The following NR5A2 variants were observed in gnomAD, a reference collection of about 807,000 sequenced individuals.
NR5A2 encodes CYP7A promoter-binding factor.
In NR5A2, 26 loss-of-function variants were observed where a neutral mutation model predicts 62.7. The observed-to-expected ratio is 0.41, with a 90% CI of 0.30 to 0.58. The LOEUF (loss-of-function observed/expected upper bound fraction) is 0.58, where lower values mean the gene tolerates loss of function less well. Among genes scored for constraint, NR5A2 ranks in the 20% least tolerant of loss-of-function variants. The pLI is 0.22. For missense variants in NR5A2, 541 were observed against 669.1 expected, an observed-to-expected ratio of 0.81 and a Z score of 2.11; for synonymous variants, 246 against 241.7, an observed-to-expected ratio of 1.02 and a Z score of -0.16.
intron 7 of NR5A2, among the ~76,000 whole-genome samples, chr1:200,154,622 G>T (rs1419991918): frequency 6.6e-6 from 1 of 152,204 alleles, no homozygotes; most frequent in Admixed American, 6.5e-5. Flanking sequence ...CAGAGGCTGA[G>T]GCAGGAGGAA....
chr1:200,077,649 G>T (rs552202133), intron 5 of NR5A2, among the ~76,000 whole-genome samples: 1 of 152,340 alleles, frequency 6.6e-6, no homozygotes, highest in South Asian at 2.1e-4. Flanking sequence ...GGGAGGCGGA[G>T]GTTGCAGTGA....
chr1:200,105,433 G>T (rs1665602616), intron 5 of NR5A2, among the ~76,000 whole-genome samples: 1 of 152,150 alleles, frequency 6.6e-6, no homozygotes, highest in African/African-American at 2.4e-5. Context: ...CGTTTTCCTT[G>T]TGCATATGGC....
intron 7 of NR5A2, among the ~76,000 whole-genome samples, chr1:200,131,231 G>T (rs555162711): frequency 1.4e-5 from 2 of 145,072 alleles, no homozygotes; most frequent in South Asian, 2.1e-4. Context: ...AATAGGTGTT[G>T]TGGATTTTTT....
intron 5 of NR5A2, among the ~76,000 whole-genome samples, chr1:200,103,470 C>T (rs2102277777): frequency 6.6e-6 from 1 of 151,880 alleles, no homozygotes; most frequent in East Asian, 1.9e-4. Flanking sequence ...TAAGGGTTTC[C>T]CAATAGTGGT....
intron 7 of NR5A2, among the ~76,000 whole-genome samples, chr1:200,173,147 G>A (rs527743965): frequency 6.6e-6 from 1 of 151,736 alleles, no homozygotes; most frequent in Admixed American, 6.6e-5. Context: ...GGACCTTTAG[G>A]GCAGATGTCT....
intron 5 of NR5A2, among the ~76,000 whole-genome samples, chr1:200,107,955 G>T (rs1013299151): frequency 7.9e-5 from 12 of 151,982 alleles, no homozygotes; most frequent in African/African-American, 2.9e-4. Context: ...TACAATTTTA[G>T]TATGGCTTAA....
Position 200,143,728 on chromosome 1 carries a change from G to A in NR5A2, c.1378+22773G>A, listed in dbSNP as rs576044969. Among the ~76,000 whole-genome samples the A allele has an allele frequency of 7.0e-5, 10 of 143,604 alleles. No individual in the cohort carries two copies. In the South Asian group the frequency reaches 1.6e-3, roughly 22 times the overall value. The allele number at this position is 143,604 out of a possible 152,430, so 94.2% of individuals were successfully genotyped here. On this transcript the variant is annotated intron_variant, in intron 7 of 7. Coordinates refer to ENST00000367362, the MANE Select transcript of NR5A2 (RefSeq NM_205860.3). ...TGCGATCTCGGCTCCTGCAACCTCC[G>A]CCTCCCGAGTTCAAGCGATTCTCCT...
At chr1:200,151,295 GCAGGAAC>G (rs1653101670) in intron 7 of NR5A2, among the ~76,000 whole-genome samples, 1 of 152,192 alleles carries the variant, frequency 6.6e-6, no homozygotes. Flanking sequence ...TTTCAAGTTA[GCAGGAAC>G]CATCTATCAA....
chr1:200,104,515 C>T (rs1665549367), intron 5 of NR5A2, among the ~76,000 whole-genome samples: 1 of 151,924 alleles, frequency 6.6e-6, no homozygotes, highest in South Asian at 2.1e-4. Flanking sequence ...GAACAAACTT[C>T]TATAAATGTC....
Position 200,045,544 on chromosome 1 carries a change from T to C in NR5A2, c.423T>C (p.Cys141=). Residue 141 remains cysteine (C), a synonymous_variant, in exon 4 of 8, where the codon TGT becomes TGC. Coordinates refer to ENST00000367362, the MANE Select transcript of NR5A2 (RefSeq NM_205860.3). ...DKTQRKRCPY[C]RFQKCLSVGM... Reference sequence around the variant, plus strand: ...CACAGAGAAAGCGTTGTCCTTACTGTCGTTTTCAAAAATGTCTAAGTGTTG... The same window carrying C: ...CACAGAGAAAGCGTTGTCCTTACTGCCGTTTTCAAAAATGTCTAAGTGTTG... The C allele has an allele frequency of 6.2e-7, 1 of 1,613,122 alleles. No individual in the cohort carries two copies. The highest frequency in any genetic ancestry group is 8.5e-7 in the Non-Finnish European group (1 of 1,179,456).
Position 200,147,073 on chromosome 1 carries a change from C to T in NR5A2, c.1378+26118C>T, listed in dbSNP as rs959644800. Among the ~76,000 whole-genome samples the T allele has an allele frequency of 2.0e-5, 3 of 150,618 alleles. No individual in the cohort carries two copies. The highest frequency in any genetic ancestry group is 7.3e-5 in the African/African-American group (3 of 40,884). On this transcript the variant is annotated intron_variant, in intron 7 of 7. Transcript: ENST00000367362. The surrounding 1 kb of genome is among the most constrained non-coding windows in gnomAD (Gnocchi z 4.9). ...TTAACTGGGTGGCAGCAAAGGGCAC[C>T]AAAAGAAAAGATAAATTGCCCAAAA...
intron 5 of NR5A2, among the ~76,000 whole-genome samples, chr1:200,065,648 T>C (rs1000639617): frequency 2.0e-5 from 3 of 152,214 alleles, no homozygotes; most frequent in African/African-American, 7.2e-5. Context: ...TCCATTCATA[T>C]ATTTATTAAT....
chr1:200,177,206 T>C lies in NR5A2; in HGVS notation c.*2996T>C, dbSNP rs535203133. The stretch of plus-strand genomic sequence containing the variant: ...TCTATGTTTGTAAACAGACAATCTC[T>C]AATGTCTGATTATTTGTATCACAGA... On this transcript the variant is annotated 3_prime_UTR_variant, in exon 8 of 8. Coordinates refer to ENST00000367362, the MANE Select transcript of NR5A2 (RefSeq NM_205860.3). The C allele has an allele frequency of 3.9e-5, 6 of 152,798 alleles. No homozygotes were observed. The highest frequency in any genetic ancestry group is 7.3e-5 in the Non-Finnish European group (5 of 68,042). 9.5% of individuals were successfully genotyped at this position (152,798 alleles called of 1,614,324 possible).
chr1:200,159,434 G>T (rs1653533873), intron 7 of NR5A2, among the ~76,000 whole-genome samples: 1 of 152,100 alleles, frequency 6.6e-6, no homozygotes, highest in African/African-American at 2.4e-5. Flanking sequence ...GGATACTGGG[G>T]TTGGGCGAGA....
chr1:200,130,831 A>G (rs1322140673), intron 7 of NR5A2, among the ~76,000 whole-genome samples: 1 of 152,182 alleles, frequency 6.6e-6, no homozygotes, highest in Non-Finnish European at 1.5e-5. Flanking sequence ...GAAGCAGAAC[A>G]TTTACCTCAC....
chr1:200,067,020 C>T (rs1161463199), intron 5 of NR5A2, among the ~76,000 whole-genome samples: 2 of 152,204 alleles, frequency 1.3e-5, no homozygotes, highest in Non-Finnish European at 2.9e-5. Context: ...TCATCATAAC[C>T]CTTTACATGA....
chr1:200,131,187 T>C (rs1666955715), intron 7 of NR5A2, among the ~76,000 whole-genome samples: 1 of 152,206 alleles, frequency 6.6e-6, no homozygotes, highest in Non-Finnish European at 1.5e-5. Context: ...TAATGGCATA[T>C]AAAGTTGATG....
At chr1:200,029,803 C>T (rs181133336) in intron 1 of NR5A2, 1 of 152,342 alleles carries the variant, frequency 6.6e-6, no homozygotes, top group African/African-American at 2.4e-5. Flanking sequence ...CCCTCCGCCT[C>T]CTGGTATTGC....
chr1:200,143,424 GT>G (rs200529531), intron 7 of NR5A2, among the ~76,000 whole-genome samples: 20 of 148,052 alleles, frequency 1.4e-4, no homozygotes, highest in African/African-American at 4.7e-4. Flanking sequence ...GATTAGTTTT[GT>G]TTTTTTTTTC....
Sources: gnomAD v4.1 joint callset for allele counts (sites outside exome capture counted in the v4.1 genomes callset) on GRCh38, gnomAD v4.1.1 for gene constraint, Gnocchi (gnomAD v3.1) non-coding constraint, MANE v1.5 for transcripts, NCBI Gene and HGNC (gene_info 2026-07-23, HGNC 2026-07-21) for gene names.